The following WDR59 variants were observed in gnomAD, a reference collection of about 807,000 sequenced individuals.
The protein encoded by WDR59 is GATOR2 complex protein WDR59.
In WDR59, 100 loss-of-function variants were observed where a neutral mutation model predicts 131.2. The ratio of observed to expected loss-of-function variants is 0.76; its 90% CI spans 0.65 to 0.90. The LOEUF (loss-of-function observed/expected upper bound fraction) is 0.90. Among genes scored for constraint, WDR59 ranks in the 40% least tolerant of loss-of-function variants. The pLI is 0.00. For synonymous variants in WDR59, 601 were observed against 466.2 expected (o/e 1.29, Z -3.72); for missense variants, 1,203 against 1,262.2 (o/e 0.95, Z 0.71).
chr16:74,903,911 G>C, intron 18 of WDR59, 36 bp downstream of exon 18: 1 of 1,581,654 alleles, frequency 6.3e-7, no homozygotes, highest in Non-Finnish European at 8.6e-7. Context: ...TCCAGGAGAA[G>C]GGGTAAGAAT....
intron 25 of WDR59, among the ~76,000 whole-genome samples, chr16:74,877,393 T>C (rs1468468756): frequency 1.3e-5 from 2 of 152,014 alleles, no homozygotes; most frequent in Non-Finnish European, 2.9e-5. Flanking sequence ...ATAAGAGAGG[T>C]TCCTTACAGC....
At chr16:74,898,186 T>C (rs1398567058) in intron 18 of WDR59, among the ~76,000 whole-genome samples, 1 of 152,222 alleles carries the variant, frequency 6.6e-6, no homozygotes, top group Non-Finnish European at 1.5e-5. Flanking sequence ...TATGATCCTC[T>C]GGTTCCAGAG....
intron 4 of WDR59, 86 bp downstream of exon 4, chr16:74,951,372 T>C: frequency 3.0e-6 from 4 of 1,323,664 alleles, no homozygotes; most frequent in Non-Finnish European, 4.3e-6. Flanking sequence ...AGTCAAGCCA[T>C]GCAAGGAGGA....
chr16:74,916,049 A>G (rs910764699), intron 12 of WDR59, 55 bp from the exon 13 acceptor site: 2 of 1,613,870 alleles, frequency 1.2e-6, no homozygotes, highest in Non-Finnish European at 1.7e-6. Flanking sequence ...TGAAACAGAG[A>G]ACAGGTCTGG....
chr16:74,973,532 C>G (rs1387715355), intron 1 of WDR59, among the ~76,000 whole-genome samples: 1 of 145,824 alleles, frequency 6.9e-6, no homozygotes, highest in Non-Finnish European at 1.5e-5. Flanking sequence ...AGTGATGCAC[C>G]GGCCCTGGCC....
At chr16:74,917,521 C>A (rs1966449271) in intron 11 of WDR59, among the ~76,000 whole-genome samples, 1 of 152,070 alleles carries the variant, frequency 6.6e-6, no homozygotes, top group African/African-American at 2.4e-5. Context: ...TATTAAATGT[C>A]TATCCTGCCG....
intron 16 of WDR59, 140 bp from the exon 17 acceptor site, chr16:74,909,117 C>T: frequency 1.4e-6 from 1 of 724,980 alleles, no homozygotes; most frequent in South Asian, 1.7e-5. Context: ...AGACTCCTGA[C>T]TGCAGTCACC....
rs184367166 is a variant in WDR59, at chr16:74,973,991, G to A, written c.55-8169C>T. On this transcript the variant is annotated intron_variant, in intron 1 of 25. Coordinates refer to ENST00000262144, the MANE Select transcript of WDR59 (RefSeq NM_030581.4). Reference sequence around the variant, plus strand: ...TCGAGACCAGCCTGGCCAACATGGTGAAACCTCGTCTCTACTAAAAATACA... The same window carrying A: ...TCGAGACCAGCCTGGCCAACATGGTAAAACCTCGTCTCTACTAAAAATACA... Among the ~76,000 whole-genome samples, 504 of 152,244 alleles carry A rather than the reference G, an allele frequency of 3.3e-3. 3 individuals carry two copies. The highest frequency in any genetic ancestry group is 0.011 in the African/African-American group (475 of 41,540).
intron 8 of WDR59, among the ~76,000 whole-genome samples, chr16:74,928,793 C>T (rs984164965): frequency 6.6e-6 from 1 of 151,972 alleles, no homozygotes; most frequent in Non-Finnish European, 1.5e-5. Flanking sequence ...TCTGTAATCC[C>T]AGCTACTCAG....
chr16:74,942,421 C>T (rs1479261283), intron 7 of WDR59, among the ~76,000 whole-genome samples: 1 of 152,166 alleles, frequency 6.6e-6, no homozygotes, highest in East Asian at 1.9e-4. Context: ...CACTGACACA[C>T]ACACTGTTAG....
intron 21 of WDR59, among the ~76,000 whole-genome samples, chr16:74,888,784 C>T (rs1256842451): frequency 1.3e-5 from 2 of 152,182 alleles, no homozygotes; most frequent in African/African-American, 4.8e-5. Context: ...AGCATGCTAG[C>T]AGGCAATCGA....
At chr16:74,918,611 G>A (rs1966503823) in intron 10 of WDR59, among the ~76,000 whole-genome samples, 1 of 152,100 alleles carries the variant, frequency 6.6e-6, no homozygotes, top group African/African-American at 2.4e-5. Context: ...TCTTAACTCT[G>A]GTCAAAGGGA....
rs1964057933 is a variant in WDR59 at position 74,873,583 on chromosome 16, T to C, written c.*626A>G. Reference sequence around the variant, plus strand: ...TTCACCATAATGTTGTTTAACTTTCTCTCTTTTTTTTTTTTTTCAAATTAC... The same window carrying C: ...TTCACCATAATGTTGTTTAACTTTCCCTCTTTTTTTTTTTTTTCAAATTAC... On this transcript the variant is annotated 3_prime_UTR_variant, in exon 26 of 26. Transcript: ENST00000262144. The C allele has an allele frequency of 7.9e-6, 1 of 126,164 alleles. No homozygotes were observed. The highest frequency in any genetic ancestry group is 3.0e-5 in the African/African-American group (1 of 32,864). The allele number at this position is 126,164 out of a possible 1,614,324, so 7.8% of individuals were successfully genotyped here.
chr16:74,971,923 G>C (rs2145219168), intron 1 of WDR59, among the ~76,000 whole-genome samples: 1 of 151,070 alleles, frequency 6.6e-6, no homozygotes, highest in East Asian at 2.0e-4. Flanking sequence ...AGCCCAGTCT[G>C]GTGTTGAACT....
At chr16:74,983,418 A>C (rs1053495733) in intron 1 of WDR59, among the ~76,000 whole-genome samples, 1 of 152,144 alleles carries the variant, frequency 6.6e-6, no homozygotes, top group Non-Finnish European at 1.5e-5. Flanking sequence ...GGTTGCAGTG[A>C]ACCAAGATCA....
intron 18 of WDR59, among the ~76,000 whole-genome samples, chr16:74,897,791 G>A (rs1274211352): frequency 6.6e-6 from 1 of 152,188 alleles, no homozygotes; most frequent in Non-Finnish European, 1.5e-5. Context: ...CTAAGGGGCT[G>A]CAAAATACTG....
At chr16:74,937,463 T>C (rs573154242) in intron 8 of WDR59, among the ~76,000 whole-genome samples, 1 of 152,314 alleles carries the variant, frequency 6.6e-6, no homozygotes, top group East Asian at 1.9e-4. Context: ...CTTATATCTG[T>C]CATACATATC....
intron 3 of WDR59, among the ~76,000 whole-genome samples, chr16:74,952,734 A>G (rs2033076069): frequency 1.3e-5 from 2 of 151,148 alleles, no homozygotes. Context: ...AGTAGGCTGA[A>G]AACAACGGCA....
chr16:74,885,448 CAAAAAAA>C lies in WDR59; in HGVS notation c.2689+198_2689+204del, dbSNP rs397855343. On this transcript the variant is annotated intron_variant, in intron 25 of 25. Coordinates refer to ENST00000262144, the MANE Select transcript of WDR59 (RefSeq NM_030581.4). ...GGGCAACAAGAGTGAGATTCCATCT[CAAAAAAA>C]AAAAAAAAAAAAAAAAAAAATTCAT... Among the ~76,000 whole-genome samples the C allele has an allele frequency of 1.2e-3, 72 of 62,382 alleles. 1 individual carries two copies. In the East Asian group the frequency reaches 0.036, roughly 31 times the overall value. The allele number at this position is 62,382 out of a possible 152,430, so 40.9% of individuals were successfully genotyped here. A position where few individuals can be genotyped will look rare whatever the true frequency, so the allele number is the denominator to read the frequency against.
Sources: gnomAD v4.1 joint callset for allele counts (sites outside exome capture counted in the v4.1 genomes callset) on GRCh38, gnomAD v4.1.1 for gene constraint, MANE v1.5 for transcripts, NCBI Gene and HGNC (gene_info 2026-07-23, HGNC 2026-07-21) for gene names.